The following AQR variants were observed in gnomAD, a reference collection of about 807,000 sequenced individuals.
AQR encodes RNA helicase aquarius.
Under a neutral mutation model 180.5 loss-of-function variants are expected in AQR, and 61 were observed. The observed-to-expected ratio is 0.34, with a 90% CI of 0.28 to 0.42. The LOEUF is 0.42. Among genes scored for constraint, AQR ranks in the 10% least tolerant of loss-of-function variants. The pLI is 1.00. For missense variants in AQR, 1,281 were observed against 1,798.3 expected (o/e 0.71, Z 5.20); for synonymous variants, 551 against 588.8 (o/e 0.94, Z 0.93).
In AQR at chr15:34,910,251, G is replaced by A. The variant is rs1893479275; in HGVS notation, c.1547C>T (p.Ala516Val). ...TTTGGCCACTTCAACGACAGTGAAA[G>A]CCACAATGGGCTGGGCCATTCGCGC... Reference protein sequence around the residue: ...GWARMAQPIVAFTVVEVAKPN... With the variant: ...GWARMAQPIVVFTVVEVAKPN... The change falls in exon 17 of 35, where the codon GCT becomes GTT. Residue 516 changes from alanine (A) to valine (V), a missense_variant. Physicochemically the swap from Ala to Val is moderately conservative, Grantham distance 64 (BLOSUM62 0). Coordinates refer to ENST00000156471, the MANE Select transcript of AQR (RefSeq NM_014691.3). 6.2e-7 allele frequency: 1 copy of A among 1,614,196 alleles called. No homozygotes were observed. The highest frequency in any genetic ancestry group is 2.2e-5 in the East Asian group (1 of 44,876).
At chr15:34,864,603 T>TA in intron 32 of AQR, among the ~76,000 whole-genome samples, 1 of 152,138 alleles carries the variant, frequency 6.6e-6, no homozygotes, top group East Asian at 1.9e-4. Flanking sequence ...ATAGTGGAAT[T>TA]TAATGTTGTT....
intron 29 of AQR, 141 bp downstream of exon 29, chr15:34,874,536 A>G: frequency 2.2e-6 from 2 of 911,932 alleles, no homozygotes; most frequent in Non-Finnish European, 3.3e-6. Flanking sequence ...GAAGTCGACA[A>G]AAGTGCTTTT....
chr15:34,891,692 CATTTT>C (rs1566983383), intron 23 of AQR, among the ~76,000 whole-genome samples: 1 of 152,034 alleles, frequency 6.6e-6, no homozygotes, highest in African/African-American at 2.4e-5. Context: ...TTATTCTGTT[CATTTT>C]AAGAATTTAC....
At chr15:34,943,370 G>A in intron 6 of AQR, 1 of 1,438,766 alleles carries the variant, frequency 7.0e-7, no homozygotes, top group Non-Finnish European at 9.7e-7. Context: ...GAGATAAGAA[G>A]AGAAAGGGCC....
At chr15:34,918,220 T>C in intron 15 of AQR, 38 bp downstream of exon 15, 2 of 1,597,734 alleles carry the variant, frequency 1.3e-6, no homozygotes, top group African/African-American at 1.3e-5. Context: ...TCTGAAATTG[T>C]TTCATTGTAC....
At chr15:34,899,399 TAG>T (rs1477187249) in intron 20 of AQR, among the ~76,000 whole-genome samples, 1 of 152,060 alleles carries the variant, frequency 6.6e-6, no homozygotes, top group Admixed American at 6.6e-5. Context: ...TATTTTGGGA[TAG>T]AGTCTCGCTC....
intron 3 of AQR, among the ~76,000 whole-genome samples, chr15:34,956,423 G>A (rs1208244130): frequency 6.6e-6 from 1 of 152,026 alleles, no homozygotes; most frequent in Non-Finnish European, 1.5e-5. Flanking sequence ...GGCCGAGGTG[G>A]GCGGATCACC....
intron 34 of AQR, among the ~76,000 whole-genome samples, chr15:34,859,816 T>C (rs76299506): frequency 0.017 from 2,598 of 152,300 alleles, 39 homozygotes; most frequent in South Asian, 0.036. Flanking sequence ...TAAATACCTA[T>C]GCCAGAACAT....
chr15:34,895,222 G>GAAAAAAAAAAAAAA (rs1555423906), intron 22 of AQR, among the ~76,000 whole-genome samples: 2 of 37,286 alleles, frequency 5.4e-5, no homozygotes, highest in Non-Finnish European at 5.0e-5. Flanking sequence ...ATATATATAT[G>GAAAAAAAAAAAAAA]AAACAAATAA....
intron 1 of AQR, among the ~76,000 whole-genome samples, chr15:34,964,690 A>G (rs1270194952): frequency 2.0e-5 from 3 of 147,310 alleles, no homozygotes; most frequent in African/African-American, 7.4e-5. Context: ...AATGATACTC[A>G]AAATCTTCAT....
At chr15:34,908,189 C>T (rs775240246) in intron 17 of AQR, among the ~76,000 whole-genome samples, 1 of 152,156 alleles carries the variant, frequency 6.6e-6, no homozygotes, top group East Asian at 1.9e-4. Context: ...CGGTGGCTCA[C>T]GCCTGTAATC....
At position 34,853,052 on chromosome 15, in the gene AQR, A is replaced by G. The variant is rs1027021328; in HGVS notation, c.*3740T>C. On this transcript the variant is annotated 3_prime_UTR_variant, in exon 35 of 35. Coordinates refer to ENST00000156471, the MANE Select transcript of AQR (RefSeq NM_014691.3). ...CTTTTAAATTAAATCCTTGTAACTGAAGAGTATCGGTGGATGAAGAAAAAA... is the reference window on the plus strand; with the variant it reads ...CTTTTAAATTAAATCCTTGTAACTGGAGAGTATCGGTGGATGAAGAAAAAA... 2.0e-5 allele frequency: 3 copies of G among 152,184 alleles called. No individual in the cohort carries two copies. The highest frequency in any genetic ancestry group is 7.2e-5 in the African/African-American group (3 of 41,444). The allele number at this position is 152,184 out of a possible 1,614,324, so 9.4% of individuals were successfully genotyped here.
intron 17 of AQR, among the ~76,000 whole-genome samples, chr15:34,909,291 C>T (rs1595793957): frequency 6.6e-6 from 1 of 152,192 alleles, no homozygotes; most frequent in African/African-American, 2.4e-5. Flanking sequence ...TCTCACAGGA[C>T]AGCTGGGAGA....
intron 10 of AQR, 72 bp from the exon 11 acceptor site, chr15:34,932,506 T>C (rs1271428661): frequency 9.0e-7 from 1 of 1,110,480 alleles, no homozygotes; most frequent in Non-Finnish European, 1.3e-6. Context: ...TCTAGTGATA[T>C]TTAACTCTCA....
At chr15:34,868,498 T>C (rs1280544408) in intron 31 of AQR, 1 of 152,182 alleles carries the variant, frequency 6.6e-6, no homozygotes, top group African/African-American at 2.4e-5. Context: ...TCTCTATCTT[T>C]AGGAAGTTTA....
chr15:34,888,142 A>G (rs1893090066), intron 24 of AQR, among the ~76,000 whole-genome samples: 1 of 151,708 alleles, frequency 6.6e-6, no homozygotes, highest in African/African-American at 2.4e-5. Context: ...TACTAAAAAT[A>G]CAAACATTAG....
chr15:34,951,596 G>A (rs1050385605), intron 4 of AQR, among the ~76,000 whole-genome samples: 16 of 151,716 alleles, frequency 1.1e-4, no homozygotes, highest in Non-Finnish European at 1.9e-4. Context: ...GCTTCTACCC[G>A]GGAAGTGGAG....
intron 30 of AQR, among the ~76,000 whole-genome samples, chr15:34,873,268 A>C (rs1407604954): frequency 6.6e-6 from 1 of 152,150 alleles, no homozygotes; most frequent in Non-Finnish European, 1.5e-5. Flanking sequence ...CTTTTCATAC[A>C]TGCTGACAAT....
Position 34,875,876 on chromosome 15 carries a change from T to G in AQR, c.3237+59A>C, listed in dbSNP as rs1041320409. 1.3e-4 allele frequency: 169 copies of G among 1,348,958 alleles called. 1 individual carries two copies. The highest frequency in any genetic ancestry group is 5.8e-4 in the Middle Eastern group (3 of 5,214). 83.6% of individuals were successfully genotyped at this position (1,348,958 alleles called of 1,614,324 possible). On this transcript the variant is annotated intron_variant, in intron 28 of 34. Coordinates refer to ENST00000156471, the MANE Select transcript of AQR (RefSeq NM_014691.3). ...ACACCCAAACTGTACAACTTTCTGATGCTGTCCTCAGCATTCTTAGAACTC... is the reference window on the plus strand; with the variant it reads ...ACACCCAAACTGTACAACTTTCTGAGGCTGTCCTCAGCATTCTTAGAACTC...
Sources: allele counts gnomAD v4.1 joint callset (sites outside exome capture counted in the v4.1 genomes callset), GRCh38; gene constraint gnomAD v4.1.1; transcripts MANE v1.5; gene names NCBI Gene and HGNC (gene_info 2026-07-23, HGNC 2026-07-21).